Variants in PCSK1 observed in about 807,000 individuals in gnomAD.
PCSK1 encodes the protein proprotein convertase subtilisin/kexin type 1, also known as neuroendocrine convertase 1.
Under a neutral mutation model 90.6 loss-of-function variants are expected in PCSK1, and 56 were observed. That is an observed-to-expected ratio of 0.62 (90% CI 0.50 to 0.77). The LOEUF is 0.77. Among genes scored for constraint, PCSK1 ranks in the 30% least tolerant of loss-of-function variants. PCSK1 has a pLI of 0.00. For missense variants in PCSK1, 801 were observed against 932.6 expected, an observed-to-expected ratio of 0.86 and a Z score of 1.84; for synonymous variants, 348 against 342.4, an observed-to-expected ratio of 1.02 and a Z score of -0.18.
At chr5:96,423,024 A>G (rs1364802235) in intron 4 of PCSK1, among the ~76,000 whole-genome samples, 1 of 152,224 alleles carries the variant, frequency 6.6e-6, no homozygotes, top group Non-Finnish European at 1.5e-5. Flanking sequence ...AACACTGAGC[A>G]ACTCAAAGTC....
rs1388002040 is a variant in PCSK1, at chr5:96,397,368, T to C, written c.1690A>G (p.Ile564Val). The C allele has an allele frequency of 1.2e-6, 2 of 1,612,680 alleles. No individual in the cohort carries two copies. The highest frequency in any genetic ancestry group is 2.2e-5 in the South Asian group (2 of 91,038). The stretch of plus-strand genomic sequence containing the variant: ...GTAATTCTCAAAGTCCAAGTACCTA[T>C]AGGGTTCTCTCCCCATGTGTGAACA... Reference protein sequence around the residue: ...MSVHTWGENPIGTWTLRITDM... With the variant: ...MSVHTWGENPVGTWTLRITDM... The change falls in exon 12 of 14, where the codon ATA becomes GTA. Residue 564 changes from isoleucine to valine, a missense_variant. Physicochemically the swap from Ile to Val is conservative, Grantham distance 29. Coordinates refer to ENST00000311106, the MANE Select transcript of PCSK1 (RefSeq NM_000439.5).
rs780582982 is a variant in PCSK1, at chr5:96,423,385, C to T, written c.471G>A (p.Thr157=). The change falls in exon 4 of 14, where the codon ACG becomes ACA. Residue 157 remains threonine, a synonymous_variant. Transcript: ENST00000311106. ...HVIPVWQKGI[T]GKGVVITVLD... ...GTACGGTGATAACAACTCCTTTGCC[C>T]GTAATGCCTTTTTGCCAAACAGGTA... The T allele has an allele frequency of 9.3e-6, 15 of 1,613,852 alleles. No homozygotes were observed. The highest frequency in any genetic ancestry group is 1.1e-5 in the South Asian group (1 of 91,062).
chr5:96,403,824 A>G (rs1760466533), intron 9 of PCSK1, among the ~76,000 whole-genome samples: 1 of 152,204 alleles, frequency 6.6e-6, no homozygotes, highest in Non-Finnish European at 1.5e-5. Flanking sequence ...CCACTAAGTC[A>G]AGACTTTTTT....
intron 8 of PCSK1, among the ~76,000 whole-genome samples, chr5:96,409,471 T>A (rs1336021821): frequency 1.3e-5 from 2 of 152,122 alleles, no homozygotes; most frequent in African/African-American, 4.8e-5. Context: ...AAGAAAAAGG[T>A]TATGTTACTG....
chr5:96,429,234 CT>C lies in PCSK1; in HGVS notation c.263del (p.Lys88ArgfsTer9). On this transcript the variant is annotated frameshift_variant, in exon 2 of 14. Coordinates refer to ENST00000311106, the MANE Select transcript of PCSK1 (RefSeq NM_000439.5). LOFTEE classifies it high-confidence loss of function. ...RSRRSAFHITKRLSDDDRVIW... is the reference protein window; with the variant it reads ...RSRRSAFHITXRLSDDDRVIW... ...TTACACGATCATCATCAGATAATCTCTTAGTGATATGAAAGGCACTCCTTCG... is the reference window on the plus strand; with the variant it reads ...TTACACGATCATCATCAGATAATCTCTAGTGATATGAAAGGCACTCCTTCG... 1 of 1,571,242 alleles carries C rather than the reference CT, an allele frequency of 6.4e-7. No individual in the cohort carries two copies. Among genetic ancestry groups the C allele is most frequent in the Non-Finnish European group, 8.8e-7 (1 of 1,141,150 alleles).
chr5:96,396,888 A>G (rs1033160118), intron 12 of PCSK1, among the ~76,000 whole-genome samples: 2 of 152,238 alleles, frequency 1.3e-5, no homozygotes, highest in Non-Finnish European at 2.9e-5. Context: ...TAAATAAGAT[A>G]TCTCTCCAAA....
At chr5:96,431,148 A>G (rs1348933455) in intron 1 of PCSK1, among the ~76,000 whole-genome samples, 1 of 152,182 alleles carries the variant, frequency 6.6e-6, no homozygotes, top group Non-Finnish European at 1.5e-5. Flanking sequence ...TGTCCACAGT[A>G]CCCACCAGCA....
At position 96,392,714 on chromosome 5, in the gene PCSK1, T is replaced by C. The variant is rs373041583; in HGVS notation, c.*287A>G. 66 of 465,838 alleles carry C rather than the reference T, an allele frequency of 1.4e-4. No individual in the cohort carries two copies. In the East Asian group the frequency reaches 2.3e-3, roughly 16 times the overall value. 28.9% of individuals were successfully genotyped at this position (465,838 alleles called of 1,614,324 possible). ...AATGGGCTCTAATGCAGTGTTCTAATGTAGTGTAAGAGCTTTTTGTCAACT... is the reference window on the plus strand; with the variant it reads ...AATGGGCTCTAATGCAGTGTTCTAACGTAGTGTAAGAGCTTTTTGTCAACT... On this transcript the variant is annotated 3_prime_UTR_variant, in exon 14 of 14. Coordinates refer to ENST00000311106, the MANE Select transcript of PCSK1 (RefSeq NM_000439.5).
intron 12 of PCSK1, among the ~76,000 whole-genome samples, chr5:96,396,564 A>AAAG (rs1760156646): frequency 6.6e-6 from 1 of 151,392 alleles, no homozygotes; most frequent in Admixed American, 6.6e-5. Context: ...TCCGTCTCAA[A>AAAG]AAAAAAAAAA....
chr5:96,416,673 G>A (rs1760947056), intron 5 of PCSK1, among the ~76,000 whole-genome samples: 1 of 152,114 alleles, frequency 6.6e-6, no homozygotes, highest in South Asian at 2.1e-4. Flanking sequence ...ACACTAAAAT[G>A]TCTGAAGATT....
intron 6 of PCSK1, among the ~76,000 whole-genome samples, chr5:96,412,752 G>GTTTTTTTGTTTT (rs1760802563): frequency 5.6e-5 from 4 of 71,832 alleles, no homozygotes; most frequent in African/African-American, 2.7e-4. Context: ...CAGCTGTGAT[G>GTTTTTTTGTTTT]TTTTTTTTTT....
Position 96,392,821 on chromosome 5 carries a change from T to A in PCSK1, c.*180A>T. The A allele has an allele frequency of 1.5e-6, 1 of 673,904 alleles. No homozygotes were observed. Among genetic ancestry groups the A allele is most frequent in the Non-Finnish European group, 2.6e-6 (1 of 381,430 alleles). The allele number at this position is 673,904 out of a possible 1,614,324, so 41.7% of individuals were successfully genotyped here. ...AAATACCTATGATCAATTCTGGAAG[T>A]TGAACTTCCTGCTTGAGCTCATCCC... On this transcript the variant is annotated 3_prime_UTR_variant, in exon 14 of 14. Coordinates refer to ENST00000311106, the MANE Select transcript of PCSK1 (RefSeq NM_000439.5).
Position 96,392,637 on chromosome 5 carries a change from T to C in PCSK1, c.*364A>G. 1 of 229,448 alleles carries C rather than the reference T, an allele frequency of 4.4e-6. No homozygotes were observed. The highest frequency in any genetic ancestry group is 8.6e-6 in the Non-Finnish European group (1 of 116,894). The allele number at this position is 229,448 out of a possible 1,614,324, so 14.2% of individuals were successfully genotyped here. On this transcript the variant is annotated 3_prime_UTR_variant, in exon 14 of 14. Coordinates refer to ENST00000311106, the MANE Select transcript of PCSK1 (RefSeq NM_000439.5). ...ACTCCTTCTCATTCTTTGCAGATTA[T>C]GTTTTCAAATTAATTGATATCCCAG...
At chr5:96,424,686 G>A (rs553139769) in intron 3 of PCSK1, among the ~76,000 whole-genome samples, 7 of 152,294 alleles carry the variant, frequency 4.6e-5, no homozygotes, top group South Asian at 2.1e-4. Context: ...CAAGAGGCCC[G>A]GTGCGGTGGC....
Position 96,392,965 on chromosome 5 carries a change from G to T in PCSK1, c.*36C>A, listed in dbSNP as rs373029530. On this transcript the variant is annotated 3_prime_UTR_variant, in exon 14 of 14. Transcript: ENST00000311106. Reference sequence around the variant, plus strand: ...GGCAAAATCGCAGGGTAAGGAAGAAGCATGAATATTTCCAACTTGGGACCA... The same window carrying T: ...GGCAAAATCGCAGGGTAAGGAAGAATCATGAATATTTCCAACTTGGGACCA... The T allele has an allele frequency of 4.0e-5, 64 of 1,608,964 alleles. No individual in the cohort carries two copies. Among genetic ancestry groups the T allele is most frequent in the Non-Finnish European group, 5.4e-5 (63 of 1,175,716 alleles).
At chr5:96,395,664 A>G (rs150894962) in intron 12 of PCSK1, among the ~76,000 whole-genome samples, 322 of 152,278 alleles carry the variant, frequency 2.1e-3, no homozygotes, top group African/African-American at 7.6e-3. Context: ...AAGGGGAGGG[A>G]TAGCATTAGG....
rs182384899 is a variant in PCSK1, at chr5:96,411,071, T to A, written c.883-85A>T. ...CCCAATAAAATCCCCAACGACTACA[T>A]GTGTGAAATTCTCAGAGACAGCTAT... On this transcript the variant is annotated intron_variant, in intron 7 of 13. Coordinates refer to ENST00000311106, the MANE Select transcript of PCSK1 (RefSeq NM_000439.5). 271 of 964,472 alleles carry A rather than the reference T, an allele frequency of 2.8e-4. 2 individuals carry two copies. Among genetic ancestry groups the A allele is most frequent in the Non-Finnish European group, 5.1e-5 (30 of 589,138 alleles). The allele number at this position is 964,472 out of a possible 1,614,324, so 59.7% of individuals were successfully genotyped here.
In PCSK1 at chr5:96,408,216, G is replaced by T. The variant is rs1308312661; in HGVS notation, c.1196+7C>A. The T allele has an allele frequency of 6.2e-7, 1 of 1,603,494 alleles. No individual in the cohort carries two copies. The highest frequency in any genetic ancestry group is 1.7e-5 in the Admixed American group (1 of 60,002). ...GTAAAGGTGATTAGAAGCTTTCTGG[G>T]CCTTACTTTGCTTCCAGGGCCAGAG... On this transcript the variant is annotated splice_region_variant and intron_variant, in intron 9 of 13. Transcript: ENST00000311106.
intron 6 of PCSK1, 94 bp from the exon 7 acceptor site, chr5:96,412,584 A>G: frequency 8.2e-7 from 1 of 1,212,968 alleles, no homozygotes; most frequent in Admixed American, 1.9e-5. Context: ...TTTTTAAAGG[A>G]TTTTAAGAGT....
Sources: gnomAD v4.1 joint callset for allele counts (sites outside exome capture counted in the v4.1 genomes callset) on GRCh38, gnomAD v4.1.1 for gene constraint, MANE v1.5 for transcripts, NCBI Gene and HGNC (gene_info 2026-07-23, HGNC 2026-07-21) for gene names.